Variants in GDPD4 observed in about 807,000 individuals in gnomAD.
GDPD4 encodes glycerophosphodiester phosphodiesterase domain containing 4, also known as glycerophosphodiester phosphodiesterase 6.
In GDPD4, 60 loss-of-function variants were observed where a neutral mutation model predicts 67.8. That is an observed-to-expected ratio of 0.88 (90% CI 0.72 to 1.10). The LOEUF is 1.10. Among genes scored for constraint, GDPD4 ranks in the 50% least tolerant of loss-of-function variants. The pLI is 0.00. For missense variants in GDPD4, 623 were observed against 613.9 expected (o/e 1.01, Z -0.16); for synonymous variants, 212 against 210.9 (o/e 1.00, Z -0.04).
intron 1 of GDPD4, among the ~76,000 whole-genome samples, chr11:77,295,604 C>G (rs1222241262): frequency 6.6e-6 from 1 of 152,072 alleles, no homozygotes; most frequent in African/African-American, 2.4e-5. Flanking sequence ...ATACTCCATT[C>G]TGGGTGACAG....
At position 77,260,693 on chromosome 11, in the gene GDPD4, G is replaced by A. The variant is rs191138001; in HGVS notation, c.708-2151C>T. 5.9e-5 allele frequency among the ~76,000 whole-genome samples: 9 copies of A among 152,156 alleles called. No individual in the cohort carries two copies. In the East Asian group the frequency reaches 1.5e-3, roughly 26 times the overall value. On this transcript the variant is annotated intron_variant, in intron 10 of 16. Coordinates refer to ENST00000315938, the MANE Select transcript of GDPD4 (RefSeq NM_182833.3). ...AAACAAGGTATGTAAAGGAAAACATGAACATAATGAAGATACACATACAAG... is the reference window on the plus strand; with the variant it reads ...AAACAAGGTATGTAAAGGAAAACATAAACATAATGAAGATACACATACAAG...
chr11:77,270,957 C>T, intron 7 of GDPD4, 173 bp downstream of exon 7: 1 of 558,730 alleles, frequency 1.8e-6, no homozygotes, highest in Non-Finnish European at 3.1e-6. Context: ...GGCCATTGGC[C>T]ACTATAACAG....
chr11:77,253,531 GTAC>G (rs1958947094), intron 11 of GDPD4, among the ~76,000 whole-genome samples: 1 of 152,132 alleles, frequency 6.6e-6, no homozygotes, highest in African/African-American at 2.4e-5. Context: ...GGGAAGCAGG[GTAC>G]TACAATTGTT....
At chr11:77,233,252 T>C (rs528883847) in intron 13 of GDPD4, 80 bp from the exon 14 acceptor site, 1 of 1,379,600 alleles carries the variant, frequency 7.2e-7, no homozygotes, top group East Asian at 2.3e-5. Flanking sequence ...CCACCATGTT[T>C]GTGAAAGGCT....
chr11:77,222,109 A>T (rs926986828), intron 16 of GDPD4, among the ~76,000 whole-genome samples: 6 of 152,052 alleles, frequency 3.9e-5, no homozygotes, highest in Admixed American at 2.6e-4. Context: ...TTTTGAGCCT[A>T]TGTGTGTGTC....
rs574730339 is a variant in GDPD4, at chr11:77,245,807, C to T, written c.865-305G>A. Among the ~76,000 whole-genome samples, 7 of 152,292 alleles carry T rather than the reference C, an allele frequency of 4.6e-5. No individual in the cohort carries two copies. In the South Asian group the frequency reaches 1.2e-3, roughly 27 times the overall value. ...TAAGTCAAGATAATACATCCCTTTT[C>T]AGTCACGCTGGCTTCCTACATGGGC... is the stretch of plus-strand genomic sequence containing the variant. On this transcript the variant is annotated intron_variant, in intron 11 of 16. Coordinates refer to ENST00000315938, the MANE Select transcript of GDPD4 (RefSeq NM_182833.3).
intron 1 of GDPD4, among the ~76,000 whole-genome samples, chr11:77,295,044 C>T (rs1309242429): frequency 7.1e-6 from 1 of 140,540 alleles, no homozygotes; most frequent in African/African-American, 2.6e-5. Context: ...TCTCAGCTCA[C>T]TACAACCTCT....
intron 10 of GDPD4, among the ~76,000 whole-genome samples, chr11:77,264,155 G>A (rs766133948): frequency 2.6e-5 from 4 of 152,168 alleles, no homozygotes; most frequent in Admixed American, 1.3e-4. Flanking sequence ...AAAATTTTGC[G>A]TAGATCTTCT....
intron 1 of GDPD4, among the ~76,000 whole-genome samples, chr11:77,293,622 A>G (rs1196980994): frequency 6.6e-6 from 1 of 152,020 alleles, no homozygotes; most frequent in Non-Finnish European, 1.5e-5. Flanking sequence ...AAACTTAACC[A>G]TACTATCAAA....
intron 11 of GDPD4, among the ~76,000 whole-genome samples, chr11:77,255,316 C>T (rs1175203458): frequency 6.6e-6 from 1 of 152,164 alleles, no homozygotes; most frequent in Non-Finnish European, 1.5e-5. Context: ...TCTGTAATCC[C>T]AGCACTTTGG....
intron 3 of GDPD4, among the ~76,000 whole-genome samples, chr11:77,281,839 G>A (rs1391598807): frequency 6.6e-6 from 1 of 152,090 alleles, no homozygotes; most frequent in Admixed American, 6.5e-5. Context: ...GCTCCCCCTA[G>A]GTACTGGCTT....
intron 15 of GDPD4, 83 bp from the exon 16 acceptor site, chr11:77,227,999 T>A: frequency 1.1e-6 from 1 of 915,444 alleles, no homozygotes; most frequent in South Asian, 1.3e-5. Context: ...AGGATCTTCT[T>A]CCCCCTTCCA....
At chr11:77,295,110 G>A (rs1020276421) in intron 1 of GDPD4, among the ~76,000 whole-genome samples, 5 of 151,698 alleles carry the variant, frequency 3.3e-5, no homozygotes, top group East Asian at 3.9e-4. Flanking sequence ...GACTACAGGT[G>A]CATGCCAACA....
At chr11:77,271,043 T>A in intron 7 of GDPD4, 87 bp downstream of exon 7, 1 of 902,824 alleles carries the variant, frequency 1.1e-6, no homozygotes. Flanking sequence ...GGGTGGCTAG[T>A]TCCCAAGCTT....
At chr11:77,250,834 T>C (rs957396472) in intron 11 of GDPD4, among the ~76,000 whole-genome samples, 1 of 152,196 alleles carries the variant, frequency 6.6e-6, no homozygotes, top group African/African-American at 2.4e-5. Flanking sequence ...CTGGGTGCTT[T>C]AGTGTTGAGT....
intron 11 of GDPD4, among the ~76,000 whole-genome samples, chr11:77,248,058 AAAAAAAAAAAAAAG>A (rs1958813122): frequency 6.6e-6 from 1 of 150,990 alleles, no homozygotes; most frequent in African/African-American, 2.4e-5. Context: ...TCTCAAAAAA[AAAAAAAAAAAAAAG>A]AAAAGAAAGA....
At chr11:77,258,572 G>A in intron 10 of GDPD4, 30 bp from the exon 11 acceptor site, 1 of 1,610,658 alleles carries the variant, frequency 6.2e-7, no homozygotes, top group Non-Finnish European at 8.5e-7. Flanking sequence ...GAAGGGCAGG[G>A]GTAGATAGGC....
At chr11:77,285,578 TTGG>T (rs1399222788) in intron 2 of GDPD4, among the ~76,000 whole-genome samples, 1 of 152,220 alleles carries the variant, frequency 6.6e-6, no homozygotes, top group Non-Finnish European at 1.5e-5. Context: ...TCATCATTAA[TTGG>T]TTCATTTAGT....
chr11:77,251,995 AT>A (rs1284174539), intron 11 of GDPD4, among the ~76,000 whole-genome samples: 5 of 139,756 alleles, frequency 3.6e-5, no homozygotes, highest in Non-Finnish European at 7.8e-5. Flanking sequence ...ATATTGTTTT[AT>A]TTTGGTACTT....
Sources: gnomAD v4.1 joint callset for allele counts (sites outside exome capture counted in the v4.1 genomes callset) on GRCh38, gnomAD v4.1.1 for gene constraint, MANE v1.5 for transcripts, NCBI Gene and HGNC (gene_info 2026-07-23, HGNC 2026-07-21) for gene names.